ZP3: variants seen among roughly 807,000 people sequenced by gnomAD.
The protein encoded by ZP3 is zona pellucida glycoprotein 3.
In ZP3, 21 loss-of-function variants were observed where a neutral mutation model predicts 35.6. The observed-to-expected ratio is 0.59, with a 90% CI of 0.42 to 0.85. The LOEUF (loss-of-function observed/expected upper bound fraction) is 0.85, where lower values mean the gene tolerates loss of function less well. Ranked by LOEUF, ZP3 falls within the 40% of genes least tolerant of loss-of-function variation. The probability of loss-of-function intolerance (pLI) is 0.00; values close to 1 mark genes in which losing one functional copy is unlikely to be tolerated. For synonymous variants in ZP3, 207 were observed against 214.5 expected (o/e 0.96, Z 0.31); for missense variants, 437 against 536.5 (o/e 0.81, Z 1.83).
At chr7:76,412,685 A>G (rs1805277644) in intron 1 of ZP3, among the ~76,000 whole-genome samples, 1 of 152,024 alleles carries the variant, frequency 6.6e-6, no homozygotes, top group African/African-American at 2.4e-5. Context: ...CCCCATCTCT[A>G]CTAAAAATAC....
At position 76,410,470 on chromosome 7, in the gene ZP3, A is replaced by G. The variant is rs567021090; in HGVS notation, c.-67+12673A>G. Among the ~76,000 whole-genome samples the G allele has an allele frequency of 1.6e-4, 24 of 151,220 alleles. No individual in the cohort carries two copies. In the East Asian group the frequency reaches 4.1e-3, roughly 26 times the overall value. On this transcript the variant is annotated intron_variant, in intron 1 of 8. Transcript: ENST00000336517. The stretch of plus-strand genomic sequence containing the variant: ...CGAGTTCAAGGGATTCTCCTGCCTC[A>G]GCCTTCCAAAGTGTTGGGATTACAG...
intron 1 of ZP3, among the ~76,000 whole-genome samples, chr7:76,398,145 C>T (rs1804700939): frequency 6.6e-6 from 1 of 151,782 alleles, no homozygotes; most frequent in African/African-American, 2.4e-5. Flanking sequence ...TCCCTGATCT[C>T]CTGAGGAACG....
intron 7 of ZP3, among the ~76,000 whole-genome samples, chr7:76,441,632 C>T (rs1806201523): frequency 1.3e-5 from 2 of 152,154 alleles, no homozygotes; most frequent in Admixed American, 1.3e-4. Flanking sequence ...AGGTGATCTG[C>T]CTGCCTCAGC....
chr7:76,433,319 TA>T (rs968172295), intron 3 of ZP3, 150 bp from the exon 4 acceptor site: 26 of 813,892 alleles, frequency 3.2e-5, no homozygotes, highest in Non-Finnish European at 4.9e-5. Flanking sequence ...CACACCCAGC[TA>T]ACTTTTCTAT....
intron 1 of ZP3, chr7:76,397,966 C>T (rs2115767934): frequency 2.2e-6 from 2 of 925,244 alleles, no homozygotes; most frequent in South Asian, 3.6e-5. Flanking sequence ...GGTACCGCCT[C>T]CTTGGTCCAG....
At chr7:76,433,372 C>G in intron 3 of ZP3, 98 bp from the exon 4 acceptor site, 1 of 1,368,808 alleles carries the variant, frequency 7.3e-7, no homozygotes, top group Non-Finnish European at 1.0e-6. Context: ...CTAGGCTGGT[C>G]TCGAACTCCT....
intron 1 of ZP3, chr7:76,400,679 A>AT (rs774727687): frequency 1.0e-4 from 135 of 1,332,742 alleles, no homozygotes; most frequent in Admixed American, 3.4e-4. Flanking sequence ...TTTTATTATT[A>AT]TTTTTTTTGG....
At chr7:76,400,413 G>T in intron 1 of ZP3, 1 of 1,604,762 alleles carries the variant, frequency 6.2e-7, no homozygotes, top group Non-Finnish European at 8.5e-7. Flanking sequence ...TGGGGCCTCG[G>T]CCTTGGCCAA....
chr7:76,440,344 G>T lies in ZP3; in HGVS notation c.923+3G>T, dbSNP rs1397490979. ...TCCTTCAGCAAGCCTTCCAACAGGT[G>T]AGGAGGACAGGTGCTCCGTGACTGG... On this transcript the variant is annotated splice_donor_region_variant and intron_variant, in intron 6 of 7. Transcript: ENST00000394857. 4.2e-6 allele frequency: 5 copies of T among 1,182,106 alleles called. No homozygotes were observed. The African/African-American group carries it at 9.8e-5, about 23-fold the overall frequency. The allele number at this position is 1,182,106 out of a possible 1,614,324, so 73.2% of individuals were successfully genotyped here. A position where few individuals can be genotyped will look rare whatever the true frequency, so the allele number is the denominator to read the frequency against.
At position 76,429,507 on chromosome 7, in the gene ZP3, T is replaced by C. The variant is rs1237618185; in HGVS notation, c.313-8T>C. ...GCCGGCAGCATTAACTTCTCACCTTTCCTCCAGGTAACTGACGATGCCCTG... is the reference window on the plus strand; with the variant it reads ...GCCGGCAGCATTAACTTCTCACCTTCCCTCCAGGTAACTGACGATGCCCTG... On this transcript the variant is annotated splice_polypyrimidine_tract_variant and splice_region_variant and intron_variant, in intron 1 of 7. Coordinates refer to ENST00000394857, the MANE Select transcript of ZP3 (RefSeq NM_001110354.2). 4.3e-6 allele frequency: 7 copies of C among 1,613,572 alleles called. No individual in the cohort carries two copies. Among genetic ancestry groups the C allele is most frequent in the Non-Finnish European group, 5.1e-6 (6 of 1,179,726 alleles).
intron 2 of ZP3, among the ~76,000 whole-genome samples, chr7:76,430,188 C>T (rs1805786549): frequency 6.6e-6 from 1 of 151,958 alleles, no homozygotes; most frequent in Admixed American, 6.6e-5. Context: ...CCATTCTGGG[C>T]AACAAAGCGA....
chr7:76,441,495 T>A (rs1160393409), intron 7 of ZP3, among the ~76,000 whole-genome samples: 1 of 151,766 alleles, frequency 6.6e-6, no homozygotes, highest in African/African-American at 2.4e-5. Flanking sequence ...TTCAAGCTAT[T>A]CTCCTGCCTC....
intron 1 of ZP3, chr7:76,401,137 A>T: frequency 7.1e-7 from 1 of 1,415,566 alleles, no homozygotes; most frequent in Non-Finnish European, 9.3e-7. Context: ...AGTCCTCAAC[A>T]TTACCCCCAT....
upstream of ZP3, among the ~76,000 whole-genome samples, chr7:76,422,692 A>G (rs1309971828): frequency 6.9e-6 from 1 of 145,634 alleles, no homozygotes; most frequent in Admixed American, 7.0e-5. Context: ...AAAAAAAAAA[A>G]GAAAGAAAAG....
upstream of ZP3, among the ~76,000 whole-genome samples, chr7:76,424,701 A>T (rs548234286): frequency 4.6e-5 from 7 of 152,288 alleles, no homozygotes; most frequent in Admixed American, 3.3e-4. Context: ...GCAAAAAAAA[A>T]CTTTAATGTG....
intron 2 of ZP3, among the ~76,000 whole-genome samples, chr7:76,431,207 G>A (rs1490639944): frequency 6.6e-6 from 1 of 152,184 alleles, no homozygotes; most frequent in Non-Finnish European, 1.5e-5. Flanking sequence ...GAGGAGCTTG[G>A]TGCCTATGTG....
chr7:76,419,837 C>T (rs985713836), intron 1 of ZP3, among the ~76,000 whole-genome samples: 1 of 139,700 alleles, frequency 7.2e-6, no homozygotes, highest in Admixed American at 7.5e-5. Flanking sequence ...CTCACTCTGT[C>T]GCCAGGCTGG....
At chr7:76,437,850 ACTCC>A (rs1483865713) in intron 5 of ZP3, among the ~76,000 whole-genome samples, 1 of 152,098 alleles carries the variant, frequency 6.6e-6, no homozygotes, top group Non-Finnish European at 1.5e-5. Context: ...GGGATCTTAG[ACTCC>A]AGTTAGCACC....
chr7:76,404,653 G>A (rs376218641), intron 1 of ZP3: 80 of 637,208 alleles, frequency 1.3e-4, no homozygotes, highest in African/African-American at 1.1e-3. Context: ...AAATGAGGCC[G>A]GGTGTGGTGG....
Sources: gnomAD v4.1 joint callset for allele counts (sites outside exome capture counted in the v4.1 genomes callset) on GRCh38, gnomAD v4.1.1 for gene constraint, MANE v1.5 for transcripts, NCBI Gene and HGNC (gene_info 2026-07-23, HGNC 2026-07-21) for gene names.